Variants in ATP1A2 observed in about 807,000 individuals in gnomAD.
The protein encoded by ATP1A2 is ATPase Na+/K+ transporting subunit alpha 2.
Under a neutral mutation model 113.1 loss-of-function variants are expected in ATP1A2, and 56 were observed. The observed-to-expected ratio is 0.49, with a 90% CI of 0.40 to 0.62. ATP1A2 has a LOEUF of 0.62. Ranked by LOEUF, ATP1A2 falls within the 20% of genes least tolerant of loss-of-function variation. The probability of loss-of-function intolerance (pLI) is 0.00; values close to 1 mark genes in which losing one functional copy is unlikely to be tolerated. For synonymous variants in ATP1A2, 490 were observed against 526.8 expected (o/e 0.93, Z 0.96); for missense variants, 712 against 1,357.8 (o/e 0.52, Z 7.47).
At position 160,128,910 on chromosome 1, in the gene ATP1A2, G is replaced by A. The variant is rs1291394484; in HGVS notation, c.1216+60G>A. 5 of 1,605,776 alleles carry A rather than the reference G, an allele frequency of 3.1e-6. No individual in the cohort carries two copies. The Admixed American group carries it at 6.9e-5, about 22-fold the overall frequency. ...AGAGGAGGCTGAGGGCAGTGGCGTG[G>A]TGGGGTGAGTGGTTGAGATAAAGGC... On this transcript the variant is annotated intron_variant, in intron 9 of 22. Coordinates refer to ENST00000361216, the MANE Select transcript of ATP1A2 (RefSeq NM_000702.4).
At chr1:160,124,889 T>A (rs1029240590) in intron 6 of ATP1A2, among the ~76,000 whole-genome samples, 3 of 152,170 alleles carry the variant, frequency 2.0e-5, no homozygotes, top group African/African-American at 7.2e-5. Flanking sequence ...CATTTTACAG[T>A]TGAGTACATG....
At chr1:160,122,440 CG>C (rs1427881653) in intron 3 of ATP1A2, among the ~76,000 whole-genome samples, 1 of 131,356 alleles carries the variant, frequency 7.6e-6, no homozygotes, top group Non-Finnish European at 1.7e-5. Flanking sequence ...AAAAAAGAAA[CG>C]GTCCCTGCTT....
Position 160,141,469 on chromosome 1 carries a change from C to A in ATP1A2, c.*147C>A, listed in dbSNP as rs574763789. ...TGAGGCAACTCAGCAGGCTAAGTTG[C>A]GGGGTATATAAATTGGGGTGATGAC... On this transcript the variant is annotated 3_prime_UTR_variant, in exon 23 of 23. Coordinates refer to ENST00000361216, the MANE Select transcript of ATP1A2 (RefSeq NM_000702.4). 1 of 1,019,606 alleles carries A rather than the reference C, an allele frequency of 9.8e-7. No individual in the cohort carries two copies. Among genetic ancestry groups the A allele is most frequent in the Non-Finnish European group, 1.5e-6 (1 of 659,538 alleles). 63.2% of individuals were successfully genotyped at this position (1,019,606 alleles called of 1,614,324 possible).
intron 3 of ATP1A2, among the ~76,000 whole-genome samples, chr1:160,122,444 C>T (rs890981750): frequency 6.7e-6 from 1 of 149,420 alleles, no homozygotes; most frequent in Admixed American, 6.7e-5. Flanking sequence ...AAGAAACGGT[C>T]CCTGCTTTAA....
At chr1:160,134,893 T>C (rs1350963025) in intron 14 of ATP1A2, among the ~76,000 whole-genome samples, 1 of 152,202 alleles carries the variant, frequency 6.6e-6, no homozygotes, top group East Asian at 1.9e-4. Context: ...AGGAGTGGGA[T>C]GTGAGTAAAG....
chr1:160,129,312 T>C lies in ATP1A2; in HGVS notation c.1373T>C (p.Ile458Thr). 1 of 1,614,214 alleles carries C rather than the reference T, an allele frequency of 6.2e-7. No individual in the cohort carries two copies. Among genetic ancestry groups the C allele is most frequent in the Non-Finnish European group, 8.5e-7 (1 of 1,180,032 alleles). ...DASESALLKCIELSCGSVRKM... is the reference protein window; with the variant it reads ...DASESALLKCTELSCGSVRKM... ...TCTGAGTCAGCTCTGCTCAAGTGCA[T>C]TGAGCTCTCCTGTGGCTCAGTGAGG... Residue 458 changes from isoleucine to threonine, a missense_variant, in exon 11 of 23, where the codon ATT (isoleucine) becomes ACT (threonine). Ile to Thr is a moderately conservative substitution (Grantham distance 89). Transcript: ENST00000361216.
intron 13 of ATP1A2, among the ~76,000 whole-genome samples, chr1:160,133,966 T>A (rs1263793999): frequency 6.6e-6 from 1 of 151,862 alleles, no homozygotes; most frequent in Non-Finnish European, 1.5e-5. Context: ...CAACTTGCCA[T>A]TATCTTTCCT....
At chr1:160,132,263 T>C (rs924279715) in intron 13 of ATP1A2, among the ~76,000 whole-genome samples, 1 of 151,960 alleles carries the variant, frequency 6.6e-6, no homozygotes, top group African/African-American at 2.4e-5. Context: ...GGGTTGAGAC[T>C]GGAACACTGG....
intron 22 of ATP1A2, among the ~76,000 whole-genome samples, chr1:160,140,395 C>T (rs867163885): frequency 6.6e-6 from 1 of 152,074 alleles, no homozygotes; most frequent in African/African-American, 2.4e-5. Flanking sequence ...ACTCATCAAC[C>T]GACAAGTTAT....
chr1:160,134,120 AC>A (rs1457296901), intron 13 of ATP1A2, among the ~76,000 whole-genome samples: 55 of 107,382 alleles, frequency 5.1e-4, no homozygotes, highest in Non-Finnish European at 5.5e-4. Context: ...ACAAATCCCC[AC>A]CCCACATACA....
Position 160,135,903 on chromosome 1 carries a change from G to A in ATP1A2, c.2349G>A (p.Glu783=). 1.2e-6 allele frequency: 2 copies of A among 1,614,106 alleles called. No individual in the cohort carries two copies. Among genetic ancestry groups the A allele is most frequent in the Non-Finnish European group, 1.7e-6 (2 of 1,180,022 alleles). The part of the protein sequence containing the change: ...IAYTLTSNIP[E]ITPFLLFIIA... ...ACACCCTGACCAGCAACATCCCCGA[G>A]ATCACCCCCTTCCTGCTGTTCATCA... is the stretch of plus-strand genomic sequence containing the variant. The change falls in exon 17 of 23, where the codon GAG becomes GAA. Residue 783 remains glutamate (E), a synonymous_variant. Transcript: ENST00000361216. This position sits in a 1 kb window ranked among gnomAD's most constrained non-coding sequence, Gnocchi z 6.3.
chr1:160,119,932 G>C (rs1470040528), intron 1 of ATP1A2, among the ~76,000 whole-genome samples: 2 of 151,840 alleles, frequency 1.3e-5, no homozygotes, highest in Non-Finnish European at 1.5e-5. Flanking sequence ...TGAGGTGGGA[G>C]TATTGCTTGA....
intron 21 of ATP1A2, 29 bp from the exon 22 acceptor site, chr1:160,139,864 C>T: frequency 1.2e-6 from 2 of 1,612,608 alleles, no homozygotes; most frequent in Non-Finnish European, 1.7e-6. Flanking sequence ...ACCTCTGATG[C>T]TGCTGACACT....
chr1:160,119,340 G>C (rs1465429946), intron 1 of ATP1A2, among the ~76,000 whole-genome samples: 1 of 126,960 alleles, frequency 7.9e-6, no homozygotes, highest in Non-Finnish European at 1.6e-5. Context: ...GGAAACAAAA[G>C]TTAACATCAT....
intron 21 of ATP1A2, 65 bp downstream of exon 21, chr1:160,139,806 A>C: frequency 6.2e-7 from 1 of 1,611,512 alleles, no homozygotes; most frequent in Non-Finnish European, 8.5e-7. Context: ...TCCAGGATCC[A>C]AGTTCTGATC....
chr1:160,133,712 G>C (rs1488529480), intron 13 of ATP1A2, among the ~76,000 whole-genome samples: 1 of 151,984 alleles, frequency 6.6e-6, no homozygotes, highest in African/African-American at 2.4e-5. Flanking sequence ...CTGTGCATTT[G>C]AGCAAATTGT....
At chr1:160,136,464 G>C (rs1166400123) in intron 18 of ATP1A2, 94 bp downstream of exon 18, 1 of 1,612,396 alleles carries the variant, frequency 6.2e-7, no homozygotes, top group Non-Finnish European at 8.5e-7. Flanking sequence ...CCAGGACAGA[G>C]GCCAGCTACC....
chr1:160,137,857 T>C (rs935171100), intron 20 of ATP1A2, among the ~76,000 whole-genome samples: 20 of 152,100 alleles, frequency 1.3e-4, no homozygotes, highest in Non-Finnish European at 7.4e-5. Flanking sequence ...CAAAGTGAAG[T>C]TAATAACACT....
chr1:160,124,197 A>C (rs2101986029), intron 5 of ATP1A2, 99 bp from the exon 6 acceptor site: 1 of 1,552,788 alleles, frequency 6.4e-7, no homozygotes, highest in Non-Finnish European at 8.7e-7. Context: ...CTAATTGTTT[A>C]TGGGGCTTCT....
Sources: allele counts gnomAD v4.1 joint callset (sites outside exome capture counted in the v4.1 genomes callset), GRCh38; gene constraint gnomAD v4.1.1; non-coding constraint Gnocchi (gnomAD v3.1); transcripts MANE v1.5; gene names NCBI Gene and HGNC (gene_info 2026-07-23, HGNC 2026-07-21).